Variants in BSN observed in about 807,000 individuals in gnomAD.
BSN encodes protein bassoon.
Under a neutral mutation model 264.8 loss-of-function variants are expected in BSN, and 57 were observed. The ratio of observed to expected loss-of-function variants is 0.22; its 90% confidence interval spans 0.17 to 0.27. The LOEUF is 0.27. Ranked by LOEUF, BSN falls within the 10% of genes least tolerant of loss-of-function variation. The pLI is 1.00. For synonymous variants in BSN, 2,059 were observed against 2,137.3 expected (o/e 0.96, Z 1.01); for missense variants, 4,615 against 5,232.5 (o/e 0.88, Z 3.64).
At chr3:49,566,300 C>G (rs909844608) in intron 1 of BSN, among the ~76,000 whole-genome samples, 1 of 152,176 alleles carries the variant, frequency 6.6e-6, no homozygotes, top group Non-Finnish European at 1.5e-5. Context: ...TTTGGTTTTG[C>G]CTAAGCACAT....
intron 3 of BSN, among the ~76,000 whole-genome samples, chr3:49,648,859 C>G (rs2052518697): frequency 6.6e-6 from 1 of 152,234 alleles, no homozygotes; most frequent in African/African-American, 2.4e-5. Context: ...GGGTCCCCCT[C>G]CACAGCTGGG....
intron 1 of BSN, among the ~76,000 whole-genome samples, chr3:49,557,575 G>GTTTT (rs765139121): frequency 2.3e-5 from 3 of 132,456 alleles, no homozygotes; most frequent in Non-Finnish European, 3.2e-5. Flanking sequence ...GCACCTGTCA[G>GTTTT]TTTTTTTTTT....
At position 49,660,519 on chromosome 3, in the gene BSN, A is replaced by G; in HGVS notation, c.8674A>G (p.Lys2892Glu). ...GTTGCCACCCAACAGCCTGGTCCGC[A>G]AGGTGAAGCGGACACTGCCCAGCCC... ...SALPPNSLVR[K>E]VKRTLPSPPP... The change falls in exon 6 of 12, where the codon AAG (lysine) becomes GAG (glutamate). Residue 2892 changes from lysine to glutamate, a missense_variant. Physicochemically the swap from Lys to Glu is moderately conservative, Grantham distance 56. This residue lies in a region of BSN where 3,415 missense variants were observed against 3,866.4 expected (regional missense o/e 0.88). Transcript: ENST00000296452. This position sits in a 1 kb window ranked among gnomAD's most constrained non-coding sequence, Gnocchi z 7.1. 3.2e-6 allele frequency: 5 copies of G among 1,544,310 alleles called. No homozygotes were observed. The highest frequency in any genetic ancestry group is 4.4e-6 in the Non-Finnish European group (5 of 1,145,404).
In BSN at chr3:49,653,676, T is replaced by G. The variant is rs1211430298; in HGVS notation, c.4120T>G (p.Phe1374Val). Residue 1374 changes from phenylalanine (F) to valine (V), a missense_variant, in exon 5 of 12, where the codon TTT becomes GTT. This residue lies in a region of BSN where 3,415 missense variants were observed against 3,866.4 expected (regional missense o/e 0.88). Transcript: ENST00000296452. The surrounding 1 kb of genome is among the most constrained non-coding windows in gnomAD (Gnocchi z 6.3). ...AGCCTCCAAGGAGATAGGCATGCCC[T>G]TTTCCCAGGGCCCTGGGACCCCAGC... ...SSASKEIGMP[F>V]SQGPGTPATT... 2 of 1,613,460 alleles carry G rather than the reference T, an allele frequency of 1.2e-6. No individual in the cohort carries two copies. Among genetic ancestry groups the G allele is most frequent in the Middle Eastern group, 1.6e-4 (1 of 6,062 alleles).
In BSN at chr3:49,652,247, G is replaced by A. The variant is rs371167659; in HGVS notation, c.2691G>A (p.Leu897=). Residue 897 remains leucine (L), a synonymous_variant, in exon 5 of 12, where the codon CTG becomes CTA. Transcript: ENST00000296452. ...CAGCAGCACTGCCCAAGAGGCGCCT[G>A]CCCCACAATGCCACCACGGGCTATG... The part of the protein sequence containing the change: ...QEPAALPKRR[L]PHNATTGYEE... 22 of 1,604,692 alleles carry A rather than the reference G, an allele frequency of 1.4e-5. No homozygotes were observed. The highest frequency in any genetic ancestry group is 1.9e-5 in the Non-Finnish European group (22 of 1,174,714).
chr3:49,573,993 A>G (rs2051819694), intron 1 of BSN, among the ~76,000 whole-genome samples: 1 of 152,084 alleles, frequency 6.6e-6, no homozygotes, highest in African/African-American at 2.4e-5. Context: ...TCCGTTGCCC[A>G]GGCTGGAGTG....
Position 49,654,665 on chromosome 3 carries a change from C to T in BSN, c.5109C>T (p.Ile1703=), listed in dbSNP as rs754161774. ...ARKYGLALDP[I]PGRQSTAVQP... ...AGTATGGTCTTGCCCTGGATCCAATCCCAGGACGGCAGTCGACCGCCGTGC... is the reference window on the plus strand; with the variant it reads ...AGTATGGTCTTGCCCTGGATCCAATTCCAGGACGGCAGTCGACCGCCGTGC... The change falls in exon 5 of 12, where the codon ATC becomes ATT. Residue 1703 remains isoleucine (I), a synonymous_variant. Transcript: ENST00000296452. The surrounding 1 kb of genome is among the most constrained non-coding windows in gnomAD (Gnocchi z 4.1). 2 of 1,613,836 alleles carry T rather than the reference C, an allele frequency of 1.2e-6. No individual in the cohort carries two copies. The highest frequency in any genetic ancestry group is 2.2e-5 in the South Asian group (2 of 91,088).
chr3:49,646,280 A>G (rs919152003), intron 3 of BSN, among the ~76,000 whole-genome samples: 5 of 152,216 alleles, frequency 3.3e-5, no homozygotes, highest in Non-Finnish European at 7.3e-5. Context: ...GAAGGATAAT[A>G]GTACTCTCTG....
At chr3:49,630,383 G>A (rs1194431073) in intron 2 of BSN, among the ~76,000 whole-genome samples, 4 of 152,246 alleles carry the variant, frequency 2.6e-5, no homozygotes. Context: ...GCTAGTCCTT[G>A]GGCAGTTTGC....
At chr3:49,628,990 A>G (rs1277850709) in intron 2 of BSN, among the ~76,000 whole-genome samples, 1 of 152,098 alleles carries the variant, frequency 6.6e-6, no homozygotes, top group Admixed American at 6.5e-5. Flanking sequence ...ACCACAGAGA[A>G]AGACTGGGTG....
chr3:49,634,221 A>AC (rs1491138507), intron 2 of BSN, among the ~76,000 whole-genome samples: 103 of 150,498 alleles, frequency 6.8e-4, no homozygotes, highest in Middle Eastern at 3.5e-3. Flanking sequence ...AAAAAAAAAA[A>AC]AGAGCTGGAG....
chr3:49,606,328 T>TATATAATATATATTAAA (rs2052151662), intron 1 of BSN, among the ~76,000 whole-genome samples: 4 of 49,906 alleles, frequency 8.0e-5, no homozygotes, highest in African/African-American at 9.8e-5. Context: ...ATTAAAAATA[T>TATATAATATATATTAAA]ATATATATTT....
chr3:49,672,025 CTTTTTTTTTTTTT>C (rs34710169), downstream of BSN, among the ~76,000 whole-genome samples: 1 of 100,412 alleles, frequency 1.0e-5, no homozygotes, highest in Non-Finnish European at 1.9e-5. Flanking sequence ...GTTGCTAGAC[CTTTTTTTTTTTTT>C]TTTTTTTTTT....
chr3:49,582,803 A>G (rs1303598125), intron 1 of BSN, among the ~76,000 whole-genome samples: 1 of 152,144 alleles, frequency 6.6e-6, no homozygotes, highest in Non-Finnish European at 1.5e-5. Flanking sequence ...AGTCCTTATC[A>G]TATTGAGAAA....
intron 1 of BSN, among the ~76,000 whole-genome samples, chr3:49,599,850 C>T (rs2052058072): frequency 6.6e-6 from 1 of 152,142 alleles, no homozygotes; most frequent in South Asian, 2.1e-4. Flanking sequence ...CATGCACAGC[C>T]CTAGGAATTT....
chr3:49,647,316 A>T (rs1331442361), intron 3 of BSN, among the ~76,000 whole-genome samples: 1 of 152,224 alleles, frequency 6.6e-6, no homozygotes, highest in African/African-American at 2.4e-5. Flanking sequence ...CTAAATAGTG[A>T]TGCCCTGAAC....
At chr3:49,619,710 C>A (rs1165629807) in intron 1 of BSN, among the ~76,000 whole-genome samples, 1 of 152,124 alleles carries the variant, frequency 6.6e-6, no homozygotes, top group Non-Finnish European at 1.5e-5. Flanking sequence ...GGGGTGTAGC[C>A]AACTGCTATA....
At chr3:49,627,193 T>C (rs764035295) in intron 2 of BSN, among the ~76,000 whole-genome samples, 9 of 152,238 alleles carry the variant, frequency 5.9e-5, no homozygotes, top group Admixed American at 1.3e-4. Flanking sequence ...TTCAGTGTCC[T>C]GAGGGGCATC....
chr3:49,561,351 C>G (rs1042407623), intron 1 of BSN, among the ~76,000 whole-genome samples: 1 of 152,152 alleles, frequency 6.6e-6, no homozygotes, highest in African/African-American at 2.4e-5. Context: ...GGGACTAACC[C>G]CTGTATCCAG....
Sources: allele counts gnomAD v4.1 joint callset (sites outside exome capture counted in the v4.1 genomes callset), GRCh38; gene constraint gnomAD v4.1.1; regional missense constraint gnomAD v4.1.1; non-coding constraint Gnocchi (gnomAD v3.1); transcripts MANE v1.5; gene names NCBI Gene and HGNC (gene_info 2026-07-23, HGNC 2026-07-21).